Variants in PTPRZ1 observed in about 807,000 individuals in gnomAD.
PTPRZ1 encodes receptor-type tyrosine-protein phosphatase zeta.
PTPRZ1 carries 82 observed loss-of-function variants against 214.1 expected under a neutral mutation model. That is an observed-to-expected ratio of 0.38 (90% CI 0.32 to 0.46). The LOEUF (loss-of-function observed/expected upper bound fraction) is 0.46, where lower values mean the gene tolerates loss of function less well. PTPRZ1 is among the 20% of genes least tolerant of loss of function. The pLI is 1.00. For synonymous variants in PTPRZ1, 945 were observed against 987.9 expected (o/e 0.96, Z 0.81); for missense variants, 2,603 against 2,748.7 (o/e 0.95, Z 1.19).
At chr7:122,045,598 GA>G (rs1799867575) in intron 23 of PTPRZ1, among the ~76,000 whole-genome samples, 1 of 151,754 alleles carries the variant, frequency 6.6e-6, no homozygotes, top group Non-Finnish European at 1.5e-5. Context: ...CCTTAGGGGG[GA>G]AAAGAGTATG....
chr7:121,905,806 T>A (rs547380593), intron 1 of PTPRZ1, among the ~76,000 whole-genome samples: 1 of 152,098 alleles, frequency 6.6e-6, no homozygotes, highest in Non-Finnish European at 1.5e-5. Context: ...TCTGGAAGCA[T>A]TTTTTTGATA....
intron 2 of PTPRZ1, among the ~76,000 whole-genome samples, chr7:121,943,021 T>C (rs372658860): frequency 6.9e-4 from 105 of 152,326 alleles, no homozygotes; most frequent in Middle Eastern, 3.4e-3. Context: ...AGGTTCATAC[T>C]GAACAATTAT....
intron 2 of PTPRZ1, among the ~76,000 whole-genome samples, chr7:121,937,737 A>G (rs116244442): frequency 0.012 from 1,849 of 152,274 alleles, 32 homozygotes; most frequent in African/African-American, 0.04. Context: ...AGGGGATGCT[A>G]TTCAGCTCCC....
chr7:122,038,678 TA>T, intron 18 of PTPRZ1, 76 bp from the exon 19 acceptor site: 1 of 1,390,406 alleles, frequency 7.2e-7, no homozygotes, highest in Non-Finnish European at 9.7e-7. Context: ...ATGCTGACCT[TA>T]AAAACTTAGG....
intron 12 of PTPRZ1, among the ~76,000 whole-genome samples, chr7:122,014,236 T>G (rs1043660936): frequency 2.0e-5 from 3 of 152,094 alleles, no homozygotes; most frequent in Non-Finnish European, 4.4e-5. Context: ...GATCAGAGTA[T>G]GCTATTTTAG....
chr7:121,900,982 G>A (rs1017528349), intron 1 of PTPRZ1, among the ~76,000 whole-genome samples: 20 of 152,130 alleles, frequency 1.3e-4, no homozygotes, highest in African/African-American at 4.3e-4. Flanking sequence ...GGCATAGGGA[G>A]GTCATATAAC....
intron 1 of PTPRZ1, among the ~76,000 whole-genome samples, chr7:121,901,896 C>T (rs1309225184): frequency 6.6e-6 from 1 of 152,138 alleles, no homozygotes; most frequent in African/African-American, 2.4e-5. Context: ...TTGAAGAATA[C>T]AATACATTAT....
intron 8 of PTPRZ1, among the ~76,000 whole-genome samples, chr7:121,989,757 T>C (rs1218619425): frequency 6.6e-6 from 1 of 152,246 alleles, no homozygotes; most frequent in East Asian, 1.9e-4. Context: ...ATATTCAGTT[T>C]TGATTTTTAT....
intron 6 of PTPRZ1, among the ~76,000 whole-genome samples, chr7:121,979,116 A>G (rs899374654): frequency 6.6e-6 from 1 of 152,046 alleles, no homozygotes; most frequent in Admixed American, 6.6e-5. Context: ...TATAAGATCT[A>G]TCTTACTATG....
At chr7:121,999,894 A>G (rs1798268348) in intron 10 of PTPRZ1, among the ~76,000 whole-genome samples, 2 of 152,108 alleles carry the variant, frequency 1.3e-5, no homozygotes, top group African/African-American at 4.8e-5. Context: ...AATAAATATT[A>G]TTAAAACTTA....
chr7:121,889,224 G>A (rs1794502547), intron 1 of PTPRZ1, among the ~76,000 whole-genome samples: 1 of 152,120 alleles, frequency 6.6e-6, no homozygotes, highest in Admixed American at 6.6e-5. Flanking sequence ...GACGGTATTA[G>A]TCATAAAACT....
intron 10 of PTPRZ1, among the ~76,000 whole-genome samples, chr7:122,000,920 G>A (rs1027612724): frequency 5.3e-5 from 8 of 151,370 alleles, no homozygotes; most frequent in South Asian, 2.1e-4. Flanking sequence ...TCCTGACCTC[G>A]TGATCCACCC....
chr7:121,889,128 A>G (rs1794499014), intron 1 of PTPRZ1, among the ~76,000 whole-genome samples: 2 of 104,560 alleles, frequency 1.9e-5, no homozygotes, highest in South Asian at 6.8e-4. Context: ...TTTTTAAAAA[A>G]AGTATTTAAA....
At chr7:121,916,935 A>G (rs1245630874) in intron 1 of PTPRZ1, among the ~76,000 whole-genome samples, 2 of 152,206 alleles carry the variant, frequency 1.3e-5, no homozygotes, top group East Asian at 1.9e-4. Flanking sequence ...AAATTGAGAA[A>G]GAAAAGAAAG....
At position 121,919,896 on chromosome 7, in the gene PTPRZ1, C is replaced by T. The variant is rs1415278432; in HGVS notation, c.59-8260C>T. ...AATGTTCTAGTCAATTTTTACTCTCCATTTATTATTCTATATAAATTTTCA... is the reference window on the plus strand; with the variant it reads ...AATGTTCTAGTCAATTTTTACTCTCTATTTATTATTCTATATAAATTTTCA... On this transcript the variant is annotated intron_variant, in intron 1 of 29. Transcript: ENST00000393386. 4.6e-5 allele frequency among the ~76,000 whole-genome samples: 7 copies of T among 151,842 alleles called. No homozygotes were observed. In the South Asian group the frequency reaches 1.5e-3, roughly 32 times the overall value.
intron 1 of PTPRZ1, among the ~76,000 whole-genome samples, chr7:121,924,865 G>T (rs1431296968): frequency 6.6e-6 from 1 of 152,122 alleles, no homozygotes; most frequent in Non-Finnish European, 1.5e-5. Context: ...TCAATTGATT[G>T]CCAGGTTAAA....
intron 2 of PTPRZ1, among the ~76,000 whole-genome samples, chr7:121,930,169 A>G (rs781105853): frequency 7.9e-5 from 12 of 152,288 alleles, no homozygotes; most frequent in Admixed American, 3.9e-4. Context: ...ATTAAGGCAC[A>G]TCTCGACTGT....
intron 1 of PTPRZ1, among the ~76,000 whole-genome samples, chr7:121,894,448 C>G (rs1794726648): frequency 6.6e-6 from 1 of 152,096 alleles, no homozygotes; most frequent in Non-Finnish European, 1.5e-5. Flanking sequence ...CTCTGTCACT[C>G]AGGCTGGAGT....
chr7:121,964,579 A>G (rs961674013), intron 2 of PTPRZ1, among the ~76,000 whole-genome samples: 4 of 152,180 alleles, frequency 2.6e-5, no homozygotes, highest in Admixed American at 1.3e-4. Context: ...GCCAAACCAT[A>G]TCAAACACCG....
Sources: gnomAD v4.1 joint callset for allele counts (sites outside exome capture counted in the v4.1 genomes callset) on GRCh38, gnomAD v4.1.1 for gene constraint, MANE v1.5 for transcripts, NCBI Gene and HGNC (gene_info 2026-07-23, HGNC 2026-07-21) for gene names.